Variants in INPP4B observed in about 807,000 individuals in gnomAD.
The protein encoded by INPP4B is inositol polyphosphate 4-phosphatase type II.
Under a neutral mutation model 122.5 loss-of-function variants are expected in INPP4B, and 55 were observed. That is an observed-to-expected ratio of 0.45 (90% confidence interval 0.36 to 0.56). The LOEUF (loss-of-function observed/expected upper bound fraction) is 0.56, where lower values mean the gene tolerates loss of function less well. INPP4B is among the 20% of genes least tolerant of loss of function. INPP4B has a pLI of 0.00. For synonymous variants in INPP4B, 403 were observed against 388.7 expected, an observed-to-expected ratio of 1.04 and a Z score of -0.43; for missense variants, 1,000 against 1,097.7, an observed-to-expected ratio of 0.91 and a Z score of 1.26.
intron 1 of INPP4B, among the ~76,000 whole-genome samples, chr4:142,817,695 G>A (rs770028406): frequency 2.6e-5 from 4 of 152,076 alleles, no homozygotes; most frequent in African/African-American, 9.7e-5. Context: ...GCAGCACATC[G>A]CCCAGGAAGT....
chr4:142,751,819 A>G (rs1769762277), intron 1 of INPP4B, among the ~76,000 whole-genome samples: 1 of 152,078 alleles, frequency 6.6e-6, no homozygotes, highest in South Asian at 2.1e-4. Context: ...TCATTAAACC[A>G]TATCACTCAG....
At chr4:142,560,891 G>A (rs545414362) in intron 2 of INPP4B, among the ~76,000 whole-genome samples, 4 of 152,116 alleles carry the variant, frequency 2.6e-5, no homozygotes, top group Non-Finnish European at 5.9e-5. Flanking sequence ...ATGCAGTCAA[G>A]TTGACACTCA....
At chr4:142,298,683 C>CAAAAAAAAAAAAA (rs386401712) in intron 9 of INPP4B, among the ~76,000 whole-genome samples, 1 of 66,452 alleles carries the variant, frequency 1.5e-5, no homozygotes, top group Admixed American at 2.2e-4. Flanking sequence ...GACTCTGTCT[C>CAAAAAAAAAAAAA]AAAAAAAAAA....
intron 25 of INPP4B, among the ~76,000 whole-genome samples, chr4:142,072,451 C>CAT (rs2152490657): frequency 6.7e-6 from 1 of 150,030 alleles, no homozygotes; most frequent in South Asian, 2.1e-4. Context: ...ACATTGTGCA[C>CAT]ATGTACCCCA....
At chr4:142,823,371 T>A (rs1432051149) in intron 1 of INPP4B, among the ~76,000 whole-genome samples, 1 of 152,104 alleles carries the variant, frequency 6.6e-6, no homozygotes, top group East Asian at 1.9e-4. Flanking sequence ...CATTAAGATG[T>A]AAAATACTTC....
intron 2 of INPP4B, among the ~76,000 whole-genome samples, chr4:142,650,691 C>A (rs1292175417): frequency 6.6e-6 from 1 of 152,094 alleles, no homozygotes; most frequent in South Asian, 2.1e-4. Flanking sequence ...TATATATGCA[C>A]CCAACACAGG....
intron 15 of INPP4B, among the ~76,000 whole-genome samples, chr4:142,188,501 A>T (rs1834196883): frequency 6.6e-5 from 8 of 121,556 alleles, no homozygotes; most frequent in African/African-American, 2.6e-4. Flanking sequence ...AAAAAAAAAA[A>T]AAAAAAAAAG....
At chr4:142,698,756 C>G (rs1438661293) in intron 2 of INPP4B, among the ~76,000 whole-genome samples, 1 of 152,182 alleles carries the variant, frequency 6.6e-6, no homozygotes, top group Non-Finnish European at 1.5e-5. Context: ...GTCACAGACT[C>G]AAGCCCCCAG....
chr4:142,037,466 G>A (rs1290104549), intron 25 of INPP4B, among the ~76,000 whole-genome samples: 1 of 152,076 alleles, frequency 6.6e-6, no homozygotes, highest in Non-Finnish European at 1.5e-5. Context: ...TCATTAATAG[G>A]TTTGCTATTT....
intron 18 of INPP4B, among the ~76,000 whole-genome samples, chr4:142,129,364 A>G (rs1800151401): frequency 6.6e-6 from 1 of 152,212 alleles, no homozygotes; most frequent in Non-Finnish European, 1.5e-5. Context: ...ATCAACCCAA[A>G]TAAGGGTACC....
rs112454389 is a variant in INPP4B at position 142,507,987 on chromosome 4, C to T, written c.-190-45261G>A. ...TACAGATTATAGGCCCCTGACCCCC[C>T]TTTTCTTAAAGCATTACAACCTTAG... On this transcript the variant is annotated intron_variant, in intron 2 of 25. Transcript: ENST00000262992. 7.0e-3 allele frequency among the ~76,000 whole-genome samples: 1,073 copies of T among 152,242 alleles called. 14 individuals are homozygous for T. Among genetic ancestry groups the T allele is most frequent in the African/African-American group, 0.024 (1,016 of 41,554 alleles).
chr4:142,263,437 C>T (rs148287368), intron 10 of INPP4B, among the ~76,000 whole-genome samples: 198 of 151,896 alleles, frequency 1.3e-3, no homozygotes, highest in Middle Eastern at 3.4e-3. Flanking sequence ...GAGTTATACG[C>T]AGCCACATAT....
At chr4:142,797,193 T>C (rs1777370746) in intron 1 of INPP4B, among the ~76,000 whole-genome samples, 1 of 151,836 alleles carries the variant, frequency 6.6e-6, no homozygotes, top group Non-Finnish European at 1.5e-5. Flanking sequence ...AAAAAGCAGA[T>C]AGAGAGCTCT....
At chr4:142,069,406 C>T (rs1765629536) in intron 25 of INPP4B, among the ~76,000 whole-genome samples, 4 of 152,180 alleles carry the variant, frequency 2.6e-5, no homozygotes, top group Non-Finnish European at 5.9e-5. Context: ...AACACCTTAA[C>T]ATCACAATTA....
At chr4:142,431,519 C>A (rs1809288174) in intron 3 of INPP4B, 134 bp from the exon 4 acceptor site, 2 of 483,652 alleles carry the variant, frequency 4.1e-6, no homozygotes, top group South Asian at 2.5e-5. Flanking sequence ...CTTTCAGAAC[C>A]ATTCCACACA....
intron 7 of INPP4B, among the ~76,000 whole-genome samples, chr4:142,321,268 T>A (rs774159282): frequency 1.3e-5 from 2 of 152,224 alleles, no homozygotes; most frequent in Non-Finnish European, 2.9e-5. Flanking sequence ...ATATTTCTTT[T>A]GAGAATTGTT....
chr4:142,679,187 T>G (rs1453903439), intron 2 of INPP4B, among the ~76,000 whole-genome samples: 1 of 151,788 alleles, frequency 6.6e-6, no homozygotes, highest in Non-Finnish European at 1.5e-5. Context: ...TTTATACAGG[T>G]TTATATATTA....
At chr4:142,178,573 T>C (rs1011766964) in intron 15 of INPP4B, among the ~76,000 whole-genome samples, 2 of 152,100 alleles carry the variant, frequency 1.3e-5, no homozygotes, top group African/African-American at 4.8e-5. Flanking sequence ...CTCCTTAATC[T>C]GTTTGCTCAA....
At chr4:142,538,092 A>G (rs1415278710) in intron 2 of INPP4B, among the ~76,000 whole-genome samples, 1 of 152,184 alleles carries the variant, frequency 6.6e-6, no homozygotes, top group Non-Finnish European at 1.5e-5. Context: ...AATCATGCTC[A>G]TTATGCATGA....
Sources: allele counts gnomAD v4.1 joint callset (sites outside exome capture counted in the v4.1 genomes callset), GRCh38; gene constraint gnomAD v4.1.1; transcripts MANE v1.5; gene names NCBI Gene and HGNC (gene_info 2026-07-23, HGNC 2026-07-21).